UBN2: variants seen among roughly 807,000 people sequenced by gnomAD.
UBN2 encodes ubinuclein 2.
A neutral mutation model predicts 120.2 loss-of-function variants in UBN2; 35 were observed. The ratio of observed to expected loss-of-function variants is 0.29; its 90% CI spans 0.22 to 0.39. The LOEUF (loss-of-function observed/expected upper bound fraction) is 0.39. Ranked by LOEUF, UBN2 falls within the 10% of genes least tolerant of loss-of-function variation. UBN2 has a pLI of 1.00. For missense variants in UBN2, 1,693 were observed against 1,663.2 expected (o/e 1.02, Z -0.31); for synonymous variants, 661 against 648.7 (o/e 1.02, Z -0.29).
chr7:139,235,619 C>G (rs1458904944), intron 1 of UBN2, among the ~76,000 whole-genome samples: 1 of 152,104 alleles, frequency 6.6e-6, no homozygotes, highest in Non-Finnish European at 1.5e-5. Context: ...GTTGGCTAGC[C>G]TGGTCTTGAA....
the UBN2 span, among the ~76,000 whole-genome samples, chr7:139,317,082 G>A: frequency 6.7e-6 from 1 of 150,312 alleles, no homozygotes; most frequent in Non-Finnish European, 1.5e-5. Flanking sequence ...ACAGGCCAAT[G>A]TTCCTAAATT....
intron 1 of UBN2, among the ~76,000 whole-genome samples, chr7:139,234,782 TTAAG>T (rs1584981226): frequency 6.6e-6 from 1 of 152,368 alleles, no homozygotes; most frequent in East Asian, 1.9e-4. Flanking sequence ...AAATAAGTGA[TTAAG>T]TGTGTTAATG....
chr7:139,277,230 T>C (rs935329459), intron 12 of UBN2: 2 of 152,212 alleles, frequency 1.3e-5, no homozygotes, highest in Admixed American at 6.5e-5. Flanking sequence ...TTTTTTAGTT[T>C]TTAGGAAGGA....
chr7:139,325,466 A>C, the UBN2 span, among the ~76,000 whole-genome samples: 1 of 151,910 alleles, frequency 6.6e-6, no homozygotes, highest in Non-Finnish European at 1.5e-5. Context: ...AAAGGGTTTC[A>C]CCATGTTGGC....
chr7:139,283,091 C>T lies in UBN2; in HGVS notation c.2186C>T (p.Thr729Met), dbSNP rs773330189. Residue 729 changes from threonine to methionine, a missense_variant, in exon 15 of 18, where the codon ACG (threonine) becomes ATG (methionine). Around this residue, in one of 5 missense-constraint regions of UBN2, gnomAD observed 837 missense variants for 817.6 expected, o/e 1.02. Transcript: ENST00000473989. ...GTGGCTTCGGTTAGCGGTCCTCCAA[C>T]GAGCTCCAGCACAGCTGCCATTGCT... Reference protein sequence around the residue: ...SLVASVSGPPTSSSTAAIAAA... With the variant: ...SLVASVSGPPMSSSTAAIAAA... The T allele has an allele frequency of 1.5e-5, 24 of 1,613,092 alleles. No homozygotes were observed. The highest frequency in any genetic ancestry group is 2.7e-5 in the African/African-American group (2 of 74,608).
chr7:139,310,969 T>C (rs541188739), downstream of UBN2, among the ~76,000 whole-genome samples: 63 of 152,212 alleles, frequency 4.1e-4, no homozygotes, highest in Non-Finnish European at 8.1e-4. Context: ...ATATCGTTTA[T>C]ATATTTGCCA....
the UBN2 span, among the ~76,000 whole-genome samples, chr7:139,313,849 ATTT>A: frequency 3.5e-5 from 5 of 143,478 alleles, no homozygotes; most frequent in Admixed American, 7.0e-5. Flanking sequence ...CAATGACAGA[ATTT>A]TTTTTTTTTT....
chr7:139,280,970 A>G (rs1011384074), intron 13 of UBN2, among the ~76,000 whole-genome samples: 1 of 152,132 alleles, frequency 6.6e-6, no homozygotes, highest in East Asian at 1.9e-4. Flanking sequence ...TTAATAGCCT[A>G]CTTTGTCTTC....
chr7:139,264,923 A>G (rs976951723), intron 6 of UBN2, among the ~76,000 whole-genome samples: 3 of 152,120 alleles, frequency 2.0e-5, no homozygotes, highest in African/African-American at 7.2e-5. Context: ...AGATGTAGAT[A>G]TTTTTGGGGT....
chr7:139,254,471 C>T (rs919945856), intron 3 of UBN2, among the ~76,000 whole-genome samples: 2 of 152,158 alleles, frequency 1.3e-5, no homozygotes, highest in African/African-American at 2.4e-5. Flanking sequence ...GTCTTGACCT[C>T]GATTTGTAAC....
chr7:139,238,289 T>G (rs1796218284), intron 2 of UBN2, among the ~76,000 whole-genome samples: 1 of 152,202 alleles, frequency 6.6e-6, no homozygotes, highest in Non-Finnish European at 1.5e-5. Flanking sequence ...TGGCTCCTTG[T>G]GGTAATTAAG....
chr7:139,274,880 A>G (rs1797394955), intron 11 of UBN2, among the ~76,000 whole-genome samples: 1 of 152,166 alleles, frequency 6.6e-6, no homozygotes, highest in Non-Finnish European at 1.5e-5. Context: ...TTTGAGCCCC[A>G]GGAATCTGAG....
At chr7:139,242,382 T>G (rs1584987368) in intron 2 of UBN2, among the ~76,000 whole-genome samples, 1 of 152,188 alleles carries the variant, frequency 6.6e-6, no homozygotes, top group Non-Finnish European at 1.5e-5. Context: ...TTATGTGAGG[T>G]CTGGTCCCTA....
rs1798336169 is a variant in UBN2, at chr7:139,305,032, C to T, written c.*7196C>T. The T allele has an allele frequency of 6.6e-6, 1 of 152,122 alleles. No homozygotes were observed. Among genetic ancestry groups the T allele is most frequent in the Admixed American group, 6.5e-5 (1 of 15,268 alleles). The allele number at this position is 152,122 out of a possible 1,614,324, so 9.4% of individuals were successfully genotyped here. Reference sequence around the variant, plus strand: ...CAAAAACTATCTACAGATGCTTTCACTGGTGCAAAGCTGTAGTTAGTATCA... The same window carrying T: ...CAAAAACTATCTACAGATGCTTTCATTGGTGCAAAGCTGTAGTTAGTATCA... On this transcript the variant is annotated 3_prime_UTR_variant, in exon 18 of 18. Coordinates refer to ENST00000473989, the MANE Select transcript of UBN2 (RefSeq NM_173569.4).
Position 139,283,725 on chromosome 7 carries a change from G to A in UBN2, c.2820G>A (p.Val940=). The A allele has an allele frequency of 6.2e-7, 1 of 1,613,820 alleles. No homozygotes were observed. The highest frequency in any genetic ancestry group is 8.5e-7 in the Non-Finnish European group (1 of 1,180,024). ...ATTCAGCTGTCCAGCAGAACTATGT[G>A]TCTCCATTACAGGCCACCATCAGTA... ...HQHSAVQQNY[V]SPLQATISKS... Residue 940 remains valine, a synonymous_variant, in exon 15 of 18, where the codon GTG becomes GTA. Transcript: ENST00000473989.
intron 2 of UBN2, among the ~76,000 whole-genome samples, chr7:139,241,596 T>C (rs868467222): frequency 6.6e-6 from 1 of 152,214 alleles, no homozygotes; most frequent in African/African-American, 2.4e-5. Context: ...AGCAGTCTTA[T>C]AAATAAAACA....
At chr7:139,313,792 G>A in the UBN2 span, among the ~76,000 whole-genome samples, 10 of 151,750 alleles carry the variant, frequency 6.6e-5, no homozygotes, top group Admixed American at 2.6e-4. Flanking sequence ...ATATGCATGC[G>A]CTGAATTAGA....
chr7:139,276,138 C>G lies in UBN2; in HGVS notation c.2015C>G (p.Thr672Ser). The G allele has an allele frequency of 6.2e-7, 1 of 1,613,550 alleles. No individual in the cohort carries two copies. The highest frequency in any genetic ancestry group is 2.2e-5 in the East Asian group (1 of 44,832). ...AGCCGGAGTGTTCATAATCATCTTA[C>G]TTCTGCTCCGTGAGTAAATGCAGAC... ...KESRSVHNHL[T>S]SAPAKKKVIP... Residue 672 changes from threonine to serine, a missense_variant, in exon 12 of 18, where the codon ACT becomes AGT. By Grantham distance (58) the Thr-to-Ser change is moderately conservative. Coordinates refer to ENST00000473989, the MANE Select transcript of UBN2 (RefSeq NM_173569.4).
intron 15 of UBN2, among the ~76,000 whole-genome samples, chr7:139,288,247 TGTG>T (rs887477623): frequency 6.1e-4 from 93 of 152,290 alleles, no homozygotes; most frequent in African/African-American, 2.2e-3. Context: ...TTTTTCAAAA[TGTG>T]GTAAATGCTG....
Sources: gnomAD v4.1 joint callset for allele counts (sites outside exome capture counted in the v4.1 genomes callset) on GRCh38, gnomAD v4.1.1 for gene constraint, gnomAD v4.1.1 regional missense constraint, MANE v1.5 for transcripts, NCBI Gene and HGNC (gene_info 2026-07-23, HGNC 2026-07-21) for gene names.